Variants in MACROD2 observed in about 807,000 individuals in gnomAD.
The protein encoded by MACROD2 is ADP-ribose glycohydrolase MACROD2.
MACROD2 carries 36 observed loss-of-function variants against 70.4 expected under a neutral mutation model. The ratio of observed to expected loss-of-function variants is 0.51; its 90% CI spans 0.39 to 0.68. MACROD2 has a LOEUF of 0.68. Ranked by LOEUF, MACROD2 falls within the 30% of genes least tolerant of loss-of-function variation. MACROD2 has a pLI of 0.00. For missense variants in MACROD2, 496 were observed against 538.4 expected (o/e 0.92, Z 0.78); for synonymous variants, 172 against 178.8 (o/e 0.96, Z 0.30).
At chr20:14,071,261 T>TTG (rs2053836040) in intron 2 of MACROD2, among the ~76,000 whole-genome samples, 15 of 114,690 alleles carry the variant, frequency 1.3e-4, no homozygotes, top group Admixed American at 3.5e-4. Flanking sequence ...TGTTTTTTTT[T>TTG]TTTTTTTTTT....
intron 4 of MACROD2, among the ~76,000 whole-genome samples, chr20:14,562,857 C>G (rs371714071): frequency 6.6e-6 from 1 of 151,696 alleles, no homozygotes; most frequent in African/African-American, 2.4e-5. Context: ...CTGTCGTGTT[C>G]TTGCCAGTCC....
chr20:14,498,739 G>T (rs1204070266), intron 4 of MACROD2, among the ~76,000 whole-genome samples: 1 of 152,176 alleles, frequency 6.6e-6, no homozygotes, highest in African/African-American at 2.4e-5. Context: ...TGTGTTTAAA[G>T]GGCTTTTTGA....
At position 15,782,717 on chromosome 20, in the gene MACROD2, C is replaced by CAAAAAAAAAAAAAAA. The variant is rs11472322; in HGVS notation, c.646-80020_646-80006dup. Among the ~76,000 whole-genome samples, 25 of 83,346 alleles carry CAAAAAAAAAAAAAAA rather than the reference C, an allele frequency of 3.0e-4. 1 individual carries two copies. The highest frequency in any genetic ancestry group is 4.9e-4 in the South Asian group (1 of 2,030). 54.7% of individuals were successfully genotyped at this position (83,346 alleles called of 152,430 possible). ...GAGACATATGCAGATAGAGAAATGG[C>CAAAAAAAAAAAAAAA]AAAAAAAAAAAAAAAAAAAAAAGTT... On this transcript the variant is annotated intron_variant, in intron 8 of 17. Transcript: ENST00000684519.
intron 7 of MACROD2, among the ~76,000 whole-genome samples, chr20:15,464,252 A>C (rs756981080): frequency 4.6e-5 from 7 of 152,056 alleles, no homozygotes; most frequent in Non-Finnish European, 8.8e-5. Flanking sequence ...CTGGGTTCAA[A>C]TGATCCTCCT....
At chr20:15,960,514 G>T (rs1341422136) in intron 12 of MACROD2, among the ~76,000 whole-genome samples, 1 of 152,166 alleles carries the variant, frequency 6.6e-6, no homozygotes, top group Admixed American at 6.5e-5. Flanking sequence ...GGGTGCAAAA[G>T]GTGAACCCAC....
chr20:15,044,383 C>G (rs2075377483), intron 5 of MACROD2, among the ~76,000 whole-genome samples: 1 of 152,200 alleles, frequency 6.6e-6, no homozygotes. Context: ...TTTTGAAATT[C>G]AAAATGGCAC....
intron 8 of MACROD2, among the ~76,000 whole-genome samples, chr20:15,542,870 A>G (rs1361693629): frequency 6.6e-6 from 1 of 152,152 alleles, no homozygotes; most frequent in Non-Finnish European, 1.5e-5. Context: ...AGATCACGTG[A>G]CATCCTTGTC....
intron 3 of MACROD2, among the ~76,000 whole-genome samples, chr20:14,415,564 A>C (rs1365023411): frequency 6.6e-6 from 1 of 152,128 alleles, no homozygotes; most frequent in Non-Finnish European, 1.5e-5. Flanking sequence ...CATTTCCTGG[A>C]CTCAGAAGAG....
At chr20:14,898,499 C>A (rs7268914) in intron 5 of MACROD2, among the ~76,000 whole-genome samples, 1 of 152,062 alleles carries the variant, frequency 6.6e-6, no homozygotes, top group African/African-American at 2.4e-5. Context: ...GAGGCCGAGG[C>A]GGGCAGATCA....
intron 5 of MACROD2, among the ~76,000 whole-genome samples, chr20:15,188,473 G>T (rs2076548088): frequency 6.6e-6 from 1 of 152,170 alleles, no homozygotes; most frequent in Non-Finnish European, 1.5e-5. Flanking sequence ...AGGGCCCTCT[G>T]TTTTTTGTGC....
intron 3 of MACROD2, among the ~76,000 whole-genome samples, chr20:14,379,169 A>G (rs1600178744): frequency 6.6e-6 from 1 of 152,200 alleles, no homozygotes; most frequent in Admixed American, 6.5e-5. Context: ...ACAAAACAAA[A>G]CAAAATGATA....
At chr20:15,545,701 T>C (rs1317637028) in intron 8 of MACROD2, among the ~76,000 whole-genome samples, 1 of 152,216 alleles carries the variant, frequency 6.6e-6, no homozygotes, top group Non-Finnish European at 1.5e-5. Flanking sequence ...CAGCTCTGCT[T>C]GGAGATGCAT....
intron 3 of MACROD2, among the ~76,000 whole-genome samples, chr20:14,493,223 C>T (rs1389633770): frequency 6.6e-6 from 1 of 151,584 alleles, no homozygotes; most frequent in Admixed American, 6.6e-5. Context: ...TCAATTTGTG[C>T]TTAATTTTAT....
At chr20:15,026,751 A>G (rs1370307058) in intron 5 of MACROD2, among the ~76,000 whole-genome samples, 1 of 152,102 alleles carries the variant, frequency 6.6e-6, no homozygotes. Context: ...AAAATGATCT[A>G]GCACAATTGC....
intron 3 of MACROD2, among the ~76,000 whole-genome samples, chr20:14,131,849 C>T (rs1012398763): frequency 4.6e-5 from 7 of 151,948 alleles, no homozygotes; most frequent in Admixed American, 1.3e-4. Flanking sequence ...AAGAGATTCT[C>T]GGCCGCGCGC....
chr20:15,267,046 G>A (rs1193789474), intron 6 of MACROD2, among the ~76,000 whole-genome samples: 1 of 152,238 alleles, frequency 6.6e-6, no homozygotes, highest in African/African-American at 2.4e-5. Flanking sequence ...AAAGCCATGT[G>A]CAAGAGGGGA....
intron 3 of MACROD2, among the ~76,000 whole-genome samples, chr20:14,295,282 C>CTGTAATTTTATTACAGAATTT (rs2082417630): frequency 6.6e-6 from 1 of 151,818 alleles, no homozygotes; most frequent in South Asian, 2.1e-4. Context: ...GAATTTCTTT[C>CTGTAATTTTATTACAGAATTT]CTGTAATAAA....
intron 5 of MACROD2, among the ~76,000 whole-genome samples, chr20:14,735,730 G>A (rs983543558): frequency 5.9e-5 from 9 of 152,030 alleles, no homozygotes; most frequent in Non-Finnish European, 2.9e-5. Flanking sequence ...CATGCCTGTA[G>A]TCTCAGCTAC....
At chr20:15,772,666 C>T (rs534137699) in intron 8 of MACROD2, among the ~76,000 whole-genome samples, 50 of 152,034 alleles carry the variant, frequency 3.3e-4, no homozygotes, top group South Asian at 1.9e-3. Context: ...TGGCAGAAGA[C>T]GAAGGGGAAG....
Sources: allele counts gnomAD v4.1 joint callset (sites outside exome capture counted in the v4.1 genomes callset), GRCh38; gene constraint gnomAD v4.1.1; transcripts MANE v1.5; gene names NCBI Gene and HGNC (gene_info 2026-07-23, HGNC 2026-07-21).